The following PTCHD4 variants were observed in gnomAD, a reference collection of about 807,000 sequenced individuals.
The protein encoded by PTCHD4 is patched domain containing 4.
A neutral mutation model predicts 58.1 loss-of-function variants in PTCHD4; 33 were observed. That is an observed-to-expected ratio of 0.57 (90% CI 0.43 to 0.76). The LOEUF (loss-of-function observed/expected upper bound fraction) is 0.76. PTCHD4 is among the 30% of genes least tolerant of loss of function. PTCHD4 has a pLI of 0.00. For synonymous variants in PTCHD4, 478 were observed against 409.6 expected, an observed-to-expected ratio of 1.17 and a Z score of -2.02; for missense variants, 1,058 against 1,027.1, an observed-to-expected ratio of 1.03 and a Z score of -0.41.
In PTCHD4 at chr6:47,861,844, C is replaced by T. The variant is rs1312421299; in HGVS notation, c.*16459G>A. ...ACAGGACTTTGTACATCACTTGGCA[C>T]ATTATAGGTTCTTAATCCATGTTTG... On this transcript the variant is annotated 3_prime_UTR_variant, in exon 5 of 5. Transcript: ENST00000339488. Among the ~76,000 whole-genome samples the T allele has an allele frequency of 6.6e-6, 1 of 151,894 alleles. No homozygotes were observed. The highest frequency in any genetic ancestry group is 1.5e-5 in the Non-Finnish European group (1 of 67,890).
At chr6:47,959,456 T>C (rs1207042926) in intron 4 of PTCHD4, among the ~76,000 whole-genome samples, 2 of 152,142 alleles carry the variant, frequency 1.3e-5, no homozygotes, top group East Asian at 3.9e-4. Context: ...CAGTCTAATA[T>C]ATATAGAATT....
chr6:47,980,127 T>A (rs911362347), intron 4 of PTCHD4, among the ~76,000 whole-genome samples: 1 of 152,054 alleles, frequency 6.6e-6, no homozygotes, highest in African/African-American at 2.4e-5. Context: ...TTCCCTGCAA[T>A]AACTTTAAAA....
intron 4 of PTCHD4, among the ~76,000 whole-genome samples, chr6:47,913,788 G>A (rs1765143264): frequency 6.6e-6 from 1 of 152,132 alleles, no homozygotes; most frequent in East Asian, 1.9e-4. Flanking sequence ...GCTGGAGGAG[G>A]CTGATTCTGC....
At chr6:48,059,659 A>G (rs1764548268) in intron 3 of PTCHD4, among the ~76,000 whole-genome samples, 1 of 143,736 alleles carries the variant, frequency 7.0e-6, no homozygotes, top group South Asian at 2.3e-4. Context: ...AACAAACAAA[A>G]AAGTACCTAA....
chr6:48,083,351 C>A (rs544898265), intron 1 of PTCHD4, among the ~76,000 whole-genome samples: 70 of 151,874 alleles, frequency 4.6e-4, no homozygotes, highest in African/African-American at 1.6e-3. Context: ...ATTTAATTAA[C>A]AAAATACAAT....
chr6:47,933,008 G>A (rs1364178537), intron 4 of PTCHD4, among the ~76,000 whole-genome samples: 2 of 152,170 alleles, frequency 1.3e-5, no homozygotes, highest in East Asian at 1.9e-4. Flanking sequence ...GACACATAAT[G>A]TAGGCCACAC....
intron 1 of PTCHD4, among the ~76,000 whole-genome samples, chr6:48,095,225 TAAAG>T (rs1434082724): frequency 5.3e-5 from 8 of 152,214 alleles, no homozygotes; most frequent in African/African-American, 1.9e-4. Flanking sequence ...TAAAGTTTTT[TAAAG>T]AAATAATATG....
At chr6:48,108,507 A>T (rs1223286859) in intron 1 of PTCHD4, among the ~76,000 whole-genome samples, 1 of 152,138 alleles carries the variant, frequency 6.6e-6, no homozygotes, top group Non-Finnish European at 1.5e-5. Flanking sequence ...ATGCTAAATG[A>T]TGAGTTAATG....
At chr6:47,881,260 C>G (rs1231289897) in intron 4 of PTCHD4, among the ~76,000 whole-genome samples, 2 of 152,164 alleles carry the variant, frequency 1.3e-5, no homozygotes, top group African/African-American at 2.4e-5. Flanking sequence ...TGCAATTGCT[C>G]TGAAATTGCA....
At chr6:48,060,406 T>C (rs1764578804) in intron 3 of PTCHD4, among the ~76,000 whole-genome samples, 2 of 152,240 alleles carry the variant, frequency 1.3e-5, no homozygotes, top group Admixed American at 1.3e-4. Context: ...CATAACCTCC[T>C]GAAACTATGA....
In PTCHD4 at chr6:47,879,638, G is replaced by C; in HGVS notation, c.1197C>G (p.His399Gln). 1.9e-6 allele frequency: 3 copies of C among 1,613,668 alleles called. No individual in the cohort carries two copies. The highest frequency in any genetic ancestry group is 2.5e-6 in the Non-Finnish European group (3 of 1,179,744). ...AAGGGATCTTACAGCAAAAGATGCT[G>C]TGGTAGCGGTTTTGCTCTAGTTGGC... The part of the protein sequence containing the change: ...FAGQLEQNRY[H>Q]SIFCCKIPSA... The change falls in exon 5 of 5, where the codon CAC becomes CAG. Residue 399 changes from histidine to glutamine, a missense_variant. His to Gln is a conservative substitution (Grantham distance 24, BLOSUM62 0). Transcript: ENST00000339488.
At chr6:47,928,825 A>G (rs531733444) in intron 4 of PTCHD4, among the ~76,000 whole-genome samples, 1 of 152,306 alleles carries the variant, frequency 6.6e-6, no homozygotes, top group South Asian at 2.1e-4. Flanking sequence ...TACTCAATAA[A>G]TGTGTTTTTA....
At chr6:48,020,784 A>G (rs1275173439) in intron 3 of PTCHD4, among the ~76,000 whole-genome samples, 2 of 152,128 alleles carry the variant, frequency 1.3e-5, no homozygotes, top group Admixed American at 6.5e-5. Flanking sequence ...ACATTACAGC[A>G]TGATCTCCAC....
chr6:47,874,186 T>C lies in PTCHD4; in HGVS notation c.*4117A>G, dbSNP rs1208521514. 7.2e-5 allele frequency among the ~76,000 whole-genome samples: 11 copies of C among 151,768 alleles called. No homozygotes were observed. The highest frequency in any genetic ancestry group is 1.0e-4 in the Non-Finnish European group (7 of 67,814). On this transcript the variant is annotated 3_prime_UTR_variant, in exon 5 of 5. Transcript: ENST00000339488. ...TGGAAGCCAGATTTCACTTCTGAGA[T>C]TTTCCGAAGTCCATTCTAGAAGAGG...
At chr6:47,968,669 C>T (rs569273303) in intron 4 of PTCHD4, among the ~76,000 whole-genome samples, 1 of 152,202 alleles carries the variant, frequency 6.6e-6, no homozygotes, top group South Asian at 2.1e-4. Flanking sequence ...TGAAAACAGT[C>T]TCAAATAGTA....
intron 4 of PTCHD4, among the ~76,000 whole-genome samples, chr6:47,981,908 C>T (rs1366483835): frequency 6.6e-6 from 1 of 152,112 alleles, no homozygotes; most frequent in African/African-American, 2.4e-5. Flanking sequence ...GGAAAGATTA[C>T]TCCTGTTTTG....
rs142398178 is a variant in PTCHD4, at chr6:48,053,601, T to A, written c.417+14629A>T. Among the ~76,000 whole-genome samples, 997 of 152,278 alleles carry A rather than the reference T, an allele frequency of 6.5e-3. 30 individuals carry two copies. Among genetic ancestry groups the A allele is most frequent in the East Asian group, 0.061 (314 of 5,176 alleles). On this transcript the variant is annotated intron_variant, in intron 3 of 4. Coordinates refer to ENST00000339488, the MANE Select transcript of PTCHD4 (RefSeq NM_001384253.1). The stretch of plus-strand genomic sequence containing the variant: ...TTGACCCTATCATCAACATAATAAA[T>A]ATTTACCATGAGTCTACATATTTCC...
chr6:48,086,804 A>G (rs1044519212), intron 1 of PTCHD4, among the ~76,000 whole-genome samples: 6 of 152,206 alleles, frequency 3.9e-5, no homozygotes, highest in Non-Finnish European at 8.8e-5. Context: ...AAATGAAACA[A>G]TTCCACCTTG....
intron 4 of PTCHD4, among the ~76,000 whole-genome samples, chr6:47,967,056 C>T (rs1561982529): frequency 6.6e-6 from 1 of 152,110 alleles, no homozygotes; most frequent in Non-Finnish European, 1.5e-5. Flanking sequence ...ATTTACTTTG[C>T]CCAGATTCAT....
Sources: allele counts gnomAD v4.1 joint callset (sites outside exome capture counted in the v4.1 genomes callset), GRCh38; gene constraint gnomAD v4.1.1; transcripts MANE v1.5; gene names NCBI Gene and HGNC (gene_info 2026-07-23, HGNC 2026-07-21).